The following TLL1 variants were observed in gnomAD, a reference collection of about 807,000 sequenced individuals.
TLL1 encodes the protein tolloid-like protein 1.
TLL1 carries 49 observed loss-of-function variants against 128.2 expected under a neutral mutation model. That is an observed-to-expected ratio of 0.38 (90% CI 0.30 to 0.48). The LOEUF is 0.48. TLL1 is among the 20% of genes least tolerant of loss of function. The probability of loss-of-function intolerance (pLI) is 0.96; values close to 1 mark genes in which losing one functional copy is unlikely to be tolerated. For missense variants in TLL1, 1,123 were observed against 1,242.0 expected (o/e 0.90, Z 1.44); for synonymous variants, 454 against 418.8 (o/e 1.08, Z -1.03).
intron 12 of TLL1, chr4:166,044,467 C>G (rs1212970146): frequency 1.3e-6 from 2 of 1,503,344 alleles, no homozygotes; most frequent in Non-Finnish European, 8.9e-7. Flanking sequence ...TGTCTCTGTC[C>G]CCTTGCATGT....
At position 166,051,841 on chromosome 4, in the gene TLL1, T is replaced by C. The variant is rs187432617; in HGVS notation, c.1525-3235T>C. On this transcript the variant is annotated intron_variant, in intron 12 of 20. Transcript: ENST00000061240. ...TGTGGCATTCACTGTGTGAGAATGC[T>C]GTTGCCCCAAATACCAGGTACATAT... is the stretch of plus-strand genomic sequence containing the variant. Among the ~76,000 whole-genome samples, 173 of 152,318 alleles carry C rather than the reference T, an allele frequency of 1.1e-3. 4 individuals are homozygous for C. The highest frequency in any genetic ancestry group is 4.4e-5 in the Non-Finnish European group (3 of 68,020).
At chr4:165,995,248 A>G in intron 5 of TLL1, 70 bp downstream of exon 5, 1 of 1,118,128 alleles carries the variant, frequency 8.9e-7, no homozygotes, top group Non-Finnish European at 1.4e-6. Context: ...AAATGTCCAT[A>G]GGTAAGATTT....
intron 1 of TLL1, among the ~76,000 whole-genome samples, chr4:165,896,636 C>T (rs549009099): frequency 1.2e-4 from 19 of 152,094 alleles, no homozygotes; most frequent in African/African-American, 4.6e-4. Flanking sequence ...GCACCCACCA[C>T]CATGTGCGGC....
At chr4:165,923,421 C>G (rs981793039) in intron 1 of TLL1, among the ~76,000 whole-genome samples, 6 of 70,832 alleles carry the variant, frequency 8.5e-5, no homozygotes, top group Non-Finnish European at 7.7e-5. Context: ...ATAGGTATAC[C>G]TTTTTTTTTT....
At chr4:166,019,604 A>G (rs1172335923) in intron 8 of TLL1, among the ~76,000 whole-genome samples, 2 of 152,098 alleles carry the variant, frequency 1.3e-5, no homozygotes, top group Non-Finnish European at 2.9e-5. Context: ...TAAAGAATAT[A>G]GTTAGATATA....
intron 1 of TLL1, among the ~76,000 whole-genome samples, chr4:165,905,347 G>A (rs1038463817): frequency 7.9e-5 from 12 of 152,254 alleles, no homozygotes; most frequent in Non-Finnish European, 1.5e-5. Flanking sequence ...ATGTTAGAAC[G>A]TGGATTACTT....
At chr4:165,951,978 A>G (rs1734545203) in intron 1 of TLL1, among the ~76,000 whole-genome samples, 1 of 152,056 alleles carries the variant, frequency 6.6e-6, no homozygotes, top group Non-Finnish European at 1.5e-5. Context: ...CATTGTACTT[A>G]TTTTTACCCT....
chr4:165,927,637 C>A (rs1248012091), intron 1 of TLL1, among the ~76,000 whole-genome samples: 1 of 152,080 alleles, frequency 6.6e-6, no homozygotes, highest in East Asian at 1.9e-4. Context: ...TAAGATTGTT[C>A]ATCTAGGGCG....
At chr4:166,014,630 T>G (rs991833978) in intron 8 of TLL1, 70 bp downstream of exon 8, 3 of 1,597,318 alleles carry the variant, frequency 1.9e-6, no homozygotes, top group Non-Finnish European at 2.6e-6. Context: ...TAAGCCATGA[T>G]TTACTCAACT....
chr4:165,968,057 G>A (rs1735471233), intron 1 of TLL1, among the ~76,000 whole-genome samples: 1 of 152,154 alleles, frequency 6.6e-6, no homozygotes, highest in Admixed American at 6.6e-5. Context: ...CACCCTCACA[G>A]AGTTGTTAAG....
intron 1 of TLL1, among the ~76,000 whole-genome samples, chr4:165,963,672 G>T (rs1219612581): frequency 6.6e-6 from 1 of 152,140 alleles, no homozygotes; most frequent in Non-Finnish European, 1.5e-5. Context: ...GACCATAATT[G>T]TCTATAATTT....
At chr4:166,099,662 T>C (rs911544741) in intron 20 of TLL1, 135 bp downstream of exon 20, 4 of 1,235,328 alleles carry the variant, frequency 3.2e-6, no homozygotes, top group Non-Finnish European at 3.4e-6. Flanking sequence ...GTATTATAAA[T>C]GGCTTGACAA....
chr4:165,883,259 T>C (rs920134972), intron 1 of TLL1, among the ~76,000 whole-genome samples: 1 of 152,196 alleles, frequency 6.6e-6, no homozygotes, highest in African/African-American at 2.4e-5. Flanking sequence ...AGATTTTGAA[T>C]TCAAAACTCT....
chr4:165,962,885 G>A (rs1357295973), intron 1 of TLL1, among the ~76,000 whole-genome samples: 8 of 151,472 alleles, frequency 5.3e-5, no homozygotes, highest in Non-Finnish European at 1.0e-4. Context: ...CTGAAACCAT[G>A]TCTCCCTAAA....
chr4:166,080,175 C>T (rs1741221659), intron 18 of TLL1, among the ~76,000 whole-genome samples: 1 of 152,060 alleles, frequency 6.6e-6, no homozygotes, highest in Non-Finnish European at 1.5e-5. Flanking sequence ...TGTATATGGC[C>T]TCCACCTCAC....
chr4:166,075,074 A>C, intron 17 of TLL1, 71 bp downstream of exon 17: 1 of 1,590,734 alleles, frequency 6.3e-7, no homozygotes. Flanking sequence ...CACTGCTTCC[A>C]AGTAGAGTTA....
intron 4 of TLL1, 139 bp from the exon 5 acceptor site, chr4:165,994,922 G>T: frequency 1.4e-6 from 1 of 712,700 alleles, no homozygotes; most frequent in Non-Finnish European, 2.4e-6. Flanking sequence ...CTCATTTGTG[G>T]TGCCATAAAC....
At chr4:165,988,440 T>G (rs1736484583) in intron 1 of TLL1, among the ~76,000 whole-genome samples, 1 of 151,936 alleles carries the variant, frequency 6.6e-6, no homozygotes. Flanking sequence ...CACAACCCTT[T>G]CTGTACAAAA....
At chr4:165,949,180 A>T (rs536969515) in intron 1 of TLL1, among the ~76,000 whole-genome samples, 37 of 152,260 alleles carry the variant, frequency 2.4e-4, no homozygotes, top group African/African-American at 8.7e-4. Flanking sequence ...ACCGGAGGGC[A>T]AGGTGAGGAG....
Sources: gnomAD v4.1 joint callset for allele counts (sites outside exome capture counted in the v4.1 genomes callset) on GRCh38, gnomAD v4.1.1 for gene constraint, MANE v1.5 for transcripts, NCBI Gene and HGNC (gene_info 2026-07-23, HGNC 2026-07-21) for gene names.